The following GPHN variants were observed in gnomAD, a reference collection of about 807,000 sequenced individuals.
GPHN encodes the protein gephyrin.
In GPHN, 17 loss-of-function variants were observed where a neutral mutation model predicts 95.5. The ratio of observed to expected loss-of-function variants is 0.18; its 90% CI spans 0.12 to 0.27. The LOEUF is 0.27. Ranked by LOEUF, GPHN falls within the 10% of genes least tolerant of loss-of-function variation. The pLI is 1.00. For missense variants in GPHN, 660 were observed against 978.1 expected (o/e 0.67, Z 4.34); for synonymous variants, 320 against 322.5 (o/e 0.99, Z 0.08).
the GPHN span, among the ~76,000 whole-genome samples, chr14:67,438,204 C>T: frequency 3.9e-5 from 6 of 152,194 alleles, no homozygotes; most frequent in African/African-American, 1.4e-4. Context: ...GAGCCTCCCT[C>T]CTTTTCTCAA....
At chr14:66,822,919 G>A (rs1196506084) in intron 3 of GPHN, among the ~76,000 whole-genome samples, 1 of 152,142 alleles carries the variant, frequency 6.6e-6, no homozygotes, top group East Asian at 1.9e-4. Flanking sequence ...AGAGATCTAA[G>A]GTGTTCTAGG....
chr14:67,600,347 A>C, the GPHN span: 1 of 674,800 alleles, frequency 1.5e-6, no homozygotes, highest in African/African-American at 1.9e-5. Flanking sequence ...GCGCGCCGAG[A>C]GCTCTGCTGG....
At chr14:66,985,126 G>C (rs1459260970) in intron 9 of GPHN, among the ~76,000 whole-genome samples, 3 of 152,088 alleles carry the variant, frequency 2.0e-5, no homozygotes, top group Admixed American at 6.6e-5. Flanking sequence ...AAAATTTTCT[G>C]GTTGGGCAGC....
chr14:67,406,258 CA>C, the GPHN span, among the ~76,000 whole-genome samples: 13,462 of 106,986 alleles, frequency 0.13, 994 homozygotes, highest in African/African-American at 0.24. Flanking sequence ...GATTCCATCT[CA>C]AAAAAAAAAA....
At chr14:66,706,626 C>T (rs1025853830) in intron 2 of GPHN, among the ~76,000 whole-genome samples, 2 of 152,122 alleles carry the variant, frequency 1.3e-5, no homozygotes, top group African/African-American at 4.8e-5. Flanking sequence ...AAAACTGAAA[C>T]TCGACCCTTT....
chr14:66,911,347 G>A (rs905835400), intron 5 of GPHN, among the ~76,000 whole-genome samples: 1 of 151,860 alleles, frequency 6.6e-6, no homozygotes, highest in Non-Finnish European at 1.5e-5. Flanking sequence ...TGGATTACCA[G>A]GATGATTGTA....
intron 4 of GPHN, among the ~76,000 whole-genome samples, chr14:66,854,259 A>G (rs920201559): frequency 6.6e-6 from 1 of 152,190 alleles, no homozygotes. Flanking sequence ...CCCTTCAGTC[A>G]TGAGTCCAAT....
intron 1 of GPHN, among the ~76,000 whole-genome samples, chr14:66,558,569 T>G (rs1389444638): frequency 6.6e-6 from 1 of 152,136 alleles, no homozygotes; most frequent in Non-Finnish European, 1.5e-5. Flanking sequence ...CTCTTAGTCT[T>G]GATATGTAAT....
At chr14:67,496,396 T>G in the GPHN span, among the ~76,000 whole-genome samples, 8 of 117,026 alleles carry the variant, frequency 6.8e-5, no homozygotes, top group Non-Finnish European at 1.2e-4. Context: ...CCGGCGTTTT[T>G]TTTTTTTTTT....
At chr14:67,261,654 T>C in the GPHN span, among the ~76,000 whole-genome samples, 4,019 of 152,284 alleles carry the variant, frequency 0.026, 79 homozygotes, top group Middle Eastern at 0.058. Context: ...TTTTATATTG[T>C]TGTAGGAAAC....
At chr14:67,000,959 C>G (rs889297655) in intron 9 of GPHN, among the ~76,000 whole-genome samples, 1 of 151,408 alleles carries the variant, frequency 6.6e-6, no homozygotes, top group Non-Finnish European at 1.5e-5. Flanking sequence ...TTGGCACTAG[C>G]GAATTTCTGC....
chr14:66,653,455 T>C (rs1595415078), intron 1 of GPHN, among the ~76,000 whole-genome samples: 1 of 152,198 alleles, frequency 6.6e-6, no homozygotes, highest in Non-Finnish European at 1.5e-5. Flanking sequence ...TCCAGTTTCC[T>C]CAAATGGTAA....
At chr14:67,694,908 A>G in the GPHN span, among the ~76,000 whole-genome samples, 4 of 152,158 alleles carry the variant, frequency 2.6e-5, no homozygotes, top group East Asian at 7.7e-4. Flanking sequence ...CTTAGAACCA[A>G]TAAGCAGGCT....
At chr14:67,411,700 AT>A in the GPHN span, among the ~76,000 whole-genome samples, 1 of 152,248 alleles carries the variant, frequency 6.6e-6, no homozygotes, top group African/African-American at 2.4e-5. Flanking sequence ...AGTAAATATT[AT>A]TTAAATATCA....
intron 1 of GPHN, among the ~76,000 whole-genome samples, chr14:66,651,242 G>A (rs1473903079): frequency 6.6e-6 from 1 of 152,132 alleles, no homozygotes; most frequent in Non-Finnish European, 1.5e-5. Context: ...TTACTTGTGT[G>A]ACCTATTCAA....
chr14:67,615,620 T>C, the GPHN span: 205,748 of 546,124 alleles, frequency 0.38, 45,281 homozygotes, highest in African/African-American at 0.8. Flanking sequence ...AAGAAGTGCT[T>C]AGTGAGGGGG....
chr14:66,640,789 C>G (rs1188628710), intron 1 of GPHN, among the ~76,000 whole-genome samples: 2 of 152,136 alleles, frequency 1.3e-5, no homozygotes, highest in African/African-American at 4.8e-5. Flanking sequence ...ATGAGAAAAT[C>G]AAGATAAAAT....
chr14:67,226,900 G>T, the GPHN span, among the ~76,000 whole-genome samples: 1 of 152,056 alleles, frequency 6.6e-6, no homozygotes, highest in Non-Finnish European at 1.5e-5. Context: ...TGGCATACAG[G>T]GTGACACGTG....
intron 1 of GPHN, among the ~76,000 whole-genome samples, chr14:66,564,731 T>C (rs1427973104): frequency 1.3e-5 from 2 of 152,190 alleles, no homozygotes; most frequent in Non-Finnish European, 2.9e-5. Flanking sequence ...GAGGTAGGTA[T>C]AGTAAGATTT....
Sources: gnomAD v4.1 joint callset for allele counts (sites outside exome capture counted in the v4.1 genomes callset) on GRCh38, gnomAD v4.1.1 for gene constraint, MANE v1.5 for transcripts, NCBI Gene and HGNC (gene_info 2026-07-23, HGNC 2026-07-21) for gene names.